EDA: variants seen among roughly 807,000 people sequenced by gnomAD.
EDA encodes ectodysplasin-A.
Under a neutral mutation model 23.6 loss-of-function variants are expected in EDA, and 2 were observed. That is an observed-to-expected ratio of 0.08 (90% CI 0.03 to 0.27). The LOEUF is 0.27. Among genes scored for constraint, EDA ranks in the 10% least tolerant of loss-of-function variants. EDA has a pLI of 1.00. For missense variants in EDA, 229 were observed against 324.2 expected (o/e 0.71, Z 2.26); for synonymous variants, 131 against 132.0 (o/e 0.99, Z 0.05).
chrX:69,889,026 T>C (rs2017883251), intron 1 of EDA, among the ~76,000 whole-genome samples: 1 of 37,913 alleles, frequency 2.6e-5, no homozygotes, highest in Non-Finnish European at 5.1e-5. Context: ...ATATATTATG[T>C]TTTTCCACAG....
chrX:69,720,038 G>A (rs5936738), intron 1 of EDA, among the ~76,000 whole-genome samples: 6,794 of 111,235 alleles, frequency 0.061, 205 homozygotes, highest in Middle Eastern at 0.097. Flanking sequence ...GTGAGCCACC[G>A]TGCCCGGCCA....
intron 1 of EDA, among the ~76,000 whole-genome samples, chrX:69,677,378 G>C (rs1051566185): frequency 4.5e-5 from 5 of 111,196 alleles, no homozygotes; most frequent in African/African-American, 1.3e-4. Flanking sequence ...GGCATTTCTA[G>C]TTCTAGATCC....
At chrX:69,729,546 C>A (rs2012941229) in intron 1 of EDA, among the ~76,000 whole-genome samples, 1 of 111,867 alleles carries the variant, frequency 8.9e-6, no homozygotes, top group African/African-American at 3.2e-5. Context: ...TATCTCTCTG[C>A]TTTTACTCTT....
chrX:69,714,591 A>T (rs753934960), intron 1 of EDA, among the ~76,000 whole-genome samples: 2 of 112,049 alleles, frequency 1.8e-5, no homozygotes, highest in Admixed American at 1.9e-4. Flanking sequence ...TGTGAAGATT[A>T]TTTCAGGGTT....
intron 1 of EDA, among the ~76,000 whole-genome samples, chrX:69,850,335 T>C (rs1237540439): frequency 1.8e-5 from 2 of 112,356 alleles, no homozygotes; most frequent in Non-Finnish European, 3.8e-5. Flanking sequence ...TTTGCCCTTT[T>C]ACAAGGTCTG....
chrX:69,879,009 A>G (rs939403212), intron 1 of EDA, among the ~76,000 whole-genome samples: 1 of 110,922 alleles, frequency 9.0e-6, no homozygotes, highest in Non-Finnish European at 1.9e-5. Flanking sequence ...TCATAGTAAT[A>G]TTATTGAACA....
chrX:69,956,396 C>T (rs2019006926), intron 1 of EDA, among the ~76,000 whole-genome samples: 1 of 95,614 alleles, frequency 1.0e-5, no homozygotes, highest in South Asian at 5.3e-4. Context: ...GGCTGGAGTG[C>T]AGTGGTGCGA....
chrX:69,760,219 A>AG (rs1465194783), intron 1 of EDA, among the ~76,000 whole-genome samples: 1 of 106,575 alleles, frequency 9.4e-6, no homozygotes, highest in Non-Finnish European at 1.9e-5. Flanking sequence ...AAAAAAAAAA[A>AG]GCAAAGCAGT....
chrX:69,745,712 G>A (rs1255815593), intron 1 of EDA, among the ~76,000 whole-genome samples: 1 of 111,884 alleles, frequency 8.9e-6, no homozygotes, highest in Non-Finnish European at 1.9e-5. Flanking sequence ...TTCTGGCTGG[G>A]CATGGTGGCT....
At chrX:69,754,804 G>A (rs1350144501) in intron 1 of EDA, among the ~76,000 whole-genome samples, 1 of 111,171 alleles carries the variant, frequency 9.0e-6, no homozygotes, top group Non-Finnish European at 1.9e-5. Flanking sequence ...TCATTAATTT[G>A]ATCTTCAATC....
chrX:69,968,997 C>T (rs1188161075), intron 2 of EDA, among the ~76,000 whole-genome samples: 2 of 112,197 alleles, frequency 1.8e-5, no homozygotes, highest in African/African-American at 6.5e-5. Context: ...TTTAATGAAC[C>T]TAGTACTCTG....
intron 2 of EDA, chrX:69,957,351 C>T (rs184374948): frequency 1.1e-4 from 39 of 362,505 alleles, no homozygotes; most frequent in East Asian, 8.3e-4. Flanking sequence ...AAAAATTAGC[C>T]GGGCCTAGTC....
At chrX:69,732,834 A>G (rs1365397460) in intron 1 of EDA, among the ~76,000 whole-genome samples, 1 of 111,845 alleles carries the variant, frequency 8.9e-6, no homozygotes, top group Non-Finnish European at 1.9e-5. Context: ...TTTGATTTGC[A>G]TTTCTCTAAT....
intron 2 of EDA, 71 bp downstream of exon 2, chrX:69,957,203 C>T (rs187951528): frequency 1.9e-6 from 2 of 1,027,849 alleles, no homozygotes; most frequent in East Asian, 3.1e-5. Flanking sequence ...TTAAGAACTA[C>T]CTTCTTGGTA....
chrX:69,835,090 G>GGGTTTCTGCCGAGAGATCAGCTGTTAA (rs1320702293), intron 1 of EDA, among the ~76,000 whole-genome samples: 1 of 111,285 alleles, frequency 9.0e-6, no homozygotes, highest in Non-Finnish European at 1.9e-5. Flanking sequence ...TCAGCTGTTA[G>GGGTTTCTGCCGAGAGATCAGCTGTTAA]TCTGATGGAC....
chrX:69,959,194 C>T (rs765158960), intron 2 of EDA, among the ~76,000 whole-genome samples: 38 of 112,049 alleles, frequency 3.4e-4, no homozygotes, highest in Non-Finnish European at 7.0e-4. Context: ...TTATATACTT[C>T]CCTCCTGATC....
At chrX:69,749,764 TAAC>T (rs1048419198) in intron 1 of EDA, 2 of 110,996 alleles carry the variant, frequency 1.8e-5, no homozygotes, top group African/African-American at 6.6e-5. Flanking sequence ...CCTAGATCTC[TAAC>T]AACACTAAAC....
chrX:70,025,103 C>A (rs2020090542), intron 3 of EDA, among the ~76,000 whole-genome samples: 1 of 111,481 alleles, frequency 9.0e-6, no homozygotes, highest in South Asian at 3.8e-4. Context: ...AGCAGAGGAC[C>A]AGCTGCAGAA....
At chrX:69,857,433 A>G (rs775350557) in intron 1 of EDA, among the ~76,000 whole-genome samples, 4 of 111,172 alleles carry the variant, frequency 3.6e-5, no homozygotes, top group Non-Finnish European at 7.5e-5. Context: ...TGGGAATTGC[A>G]TTGAATTTGT....
Sources: gnomAD v4.1 joint callset for allele counts (sites outside exome capture counted in the v4.1 genomes callset) on GRCh38, gnomAD v4.1.1 for gene constraint, MANE v1.5 for transcripts, NCBI Gene and HGNC (gene_info 2026-07-23, HGNC 2026-07-21) for gene names.